The following ADGRL3 variants were observed in gnomAD, a reference collection of about 807,000 sequenced individuals.
The protein encoded by ADGRL3 is adhesion G protein-coupled receptor L3, also known as calcium-independent alpha-latrotoxin receptor 3.
Under a neutral mutation model 153.5 loss-of-function variants are expected in ADGRL3, and 62 were observed. The observed-to-expected ratio is 0.40, with a 90% CI of 0.33 to 0.50. ADGRL3 has a LOEUF of 0.50. Ranked by LOEUF, ADGRL3 falls within the 20% of genes least tolerant of loss-of-function variation. The probability of loss-of-function intolerance (pLI) is 0.47; values close to 1 mark genes in which losing one functional copy is unlikely to be tolerated. For missense variants in ADGRL3, 1,641 were observed against 1,859.4 expected (o/e 0.88, Z 2.16); for synonymous variants, 710 against 672.5 (o/e 1.06, Z -0.86).
At chr4:61,834,125 C>A (rs1325785007) in intron 9 of ADGRL3, among the ~76,000 whole-genome samples, 2 of 146,614 alleles carry the variant, frequency 1.4e-5, no homozygotes, top group African/African-American at 5.1e-5. Context: ...CCCCACCCCA[C>A]AACAGGCCCT....
chr4:61,752,207 G>T (rs887887211), intron 8 of ADGRL3, among the ~76,000 whole-genome samples: 1 of 152,046 alleles, frequency 6.6e-6, no homozygotes, highest in Non-Finnish European at 1.5e-5. Context: ...CAAGAATAAA[G>T]AATAGAAATT....
intron 20 of ADGRL3, among the ~76,000 whole-genome samples, chr4:61,997,933 AT>A (rs1182419726): frequency 1.3e-5 from 2 of 152,098 alleles, no homozygotes; most frequent in Admixed American, 1.3e-4. Flanking sequence ...GCTGATGCTG[AT>A]TTTATATTTG....
At chr4:61,380,216 G>A (rs556014049) in intron 1 of ADGRL3, among the ~76,000 whole-genome samples, 119 of 152,062 alleles carry the variant, frequency 7.8e-4, no homozygotes, top group African/African-American at 2.7e-3. Context: ...GTTTGTGTGT[G>A]TGTATGTGTA....
At chr4:61,764,767 T>G (rs1447671080) in intron 8 of ADGRL3, among the ~76,000 whole-genome samples, 11 of 151,990 alleles carry the variant, frequency 7.2e-5, no homozygotes, top group South Asian at 4.2e-4. Context: ...GAAAATTTTT[T>G]GGGGGTGGTA....
chr4:61,644,807 G>T (rs1014524320), intron 5 of ADGRL3, among the ~76,000 whole-genome samples: 1 of 152,078 alleles, frequency 6.6e-6, no homozygotes, highest in African/African-American at 2.4e-5. Context: ...ATGTCCGCTT[G>T]GTATAGAGCT....
At chr4:61,760,615 G>A (rs553693120) in intron 8 of ADGRL3, among the ~76,000 whole-genome samples, 11 of 152,204 alleles carry the variant, frequency 7.2e-5, no homozygotes, top group African/African-American at 1.4e-4. Context: ...TGAGTGAGGC[G>A]ATGCCTCGCC....
intron 2 of ADGRL3, among the ~76,000 whole-genome samples, chr4:61,415,743 T>C (rs76895211): frequency 0.03 from 4,622 of 152,192 alleles, 221 homozygotes; most frequent in East Asian, 0.21. Context: ...AAAGAAATGA[T>C]CTTTATTTAA....
intron 5 of ADGRL3, among the ~76,000 whole-genome samples, chr4:61,662,004 T>C (rs2094608273): frequency 6.6e-6 from 1 of 152,134 alleles, no homozygotes; most frequent in African/African-American, 2.4e-5. Flanking sequence ...GAAAAGCAGG[T>C]TGTAGTAGTG....
rs72638569 is a variant in ADGRL3 at position 61,737,699 on chromosome 4, A to G, written c.1399+4145A>G. 2.4e-3 allele frequency among the ~76,000 whole-genome samples: 360 copies of G among 152,306 alleles called. 2 individuals carry two copies. The highest frequency in any genetic ancestry group is 4.6e-3 in the Admixed American group (71 of 15,300). On this transcript the variant is annotated intron_variant, in intron 8 of 26. Coordinates refer to ENST00000683033, the MANE Select transcript of ADGRL3 (RefSeq NM_001387552.1). ...AGGACCATTTTTATCCACATTTTCTAAATGAAGGCCCTTTTAAAGCACTGC... is the reference window on the plus strand; with the variant it reads ...AGGACCATTTTTATCCACATTTTCTGAATGAAGGCCCTTTTAAAGCACTGC...
At chr4:61,809,325 G>A (rs2097582997) in intron 8 of ADGRL3, among the ~76,000 whole-genome samples, 1 of 151,994 alleles carries the variant, frequency 6.6e-6, no homozygotes, top group Non-Finnish European at 1.5e-5. Flanking sequence ...TTATCCATTG[G>A]TCAGTGGTGA....
chr4:61,981,516 A>G (rs1055908156), intron 18 of ADGRL3, among the ~76,000 whole-genome samples: 1 of 152,072 alleles, frequency 6.6e-6, no homozygotes, highest in Non-Finnish European at 1.5e-5. Context: ...CAAGGAAAGG[A>G]GGAAGAAAAA....
intron 12 of ADGRL3, among the ~76,000 whole-genome samples, chr4:61,911,658 A>T (rs976315630): frequency 1.3e-5 from 2 of 152,148 alleles, no homozygotes; most frequent in African/African-American, 2.4e-5. Context: ...GATCCAAGTG[A>T]CAGCCCTGGC....
At chr4:61,207,423 C>A (rs1189981239) in intron 1 of ADGRL3, among the ~76,000 whole-genome samples, 1 of 152,112 alleles carries the variant, frequency 6.6e-6, no homozygotes, top group Non-Finnish European at 1.5e-5. Flanking sequence ...GTATATGTGC[C>A]ACATTTTCTT....
At chr4:61,891,281 A>G (rs2098583015) in intron 9 of ADGRL3, among the ~76,000 whole-genome samples, 1 of 152,164 alleles carries the variant, frequency 6.6e-6, no homozygotes, top group African/African-American at 2.4e-5. Context: ...GAGATATAGT[A>G]TATGTGGAAG....
rs531054662 is a variant in ADGRL3 at position 61,391,545 on chromosome 4, T to A, written c.-174+8356T>A. ...CATTCATTTGCAATGTGTGTGAGTC[T>A]GCATGTATGTGCGTAAGTTTTCATC... On this transcript the variant is annotated intron_variant, in intron 2 of 26. Transcript: ENST00000683033. 3.3e-5 allele frequency among the ~76,000 whole-genome samples: 5 copies of A among 152,318 alleles called. No homozygotes were observed. In the South Asian group the frequency reaches 1.0e-3, roughly 32 times the overall value.
At chr4:61,742,364 C>T (rs928330093) in intron 8 of ADGRL3, among the ~76,000 whole-genome samples, 11 of 152,120 alleles carry the variant, frequency 7.2e-5, no homozygotes, top group African/African-American at 1.2e-4. Flanking sequence ...CTGCAAGCTC[C>T]GCCTCCCGGG....
chr4:61,393,718 AG>A (rs2096838884), intron 2 of ADGRL3, among the ~76,000 whole-genome samples: 1 of 152,200 alleles, frequency 6.6e-6, no homozygotes, highest in Non-Finnish European at 1.5e-5. Context: ...CAGAACATTA[AG>A]TACCATCTTT....
intron 2 of ADGRL3, among the ~76,000 whole-genome samples, chr4:61,387,580 G>T (rs978667076): frequency 6.6e-6 from 1 of 152,044 alleles, no homozygotes; most frequent in East Asian, 1.9e-4. Flanking sequence ...CTGAGAAAAA[G>T]AATTCAGCGA....
At chr4:61,266,821 T>C (rs1176895342) in intron 1 of ADGRL3, among the ~76,000 whole-genome samples, 1 of 151,750 alleles carries the variant, frequency 6.6e-6, no homozygotes, top group Non-Finnish European at 1.5e-5. Context: ...CCAGAACTAA[T>C]GTCAGTGCCA....
Sources: allele counts gnomAD v4.1 joint callset (sites outside exome capture counted in the v4.1 genomes callset), GRCh38; gene constraint gnomAD v4.1.1; transcripts MANE v1.5; gene names NCBI Gene and HGNC (gene_info 2026-07-23, HGNC 2026-07-21).